The following EIF3I variants were observed in gnomAD, a reference collection of about 807,000 sequenced individuals.
EIF3I encodes the protein TGF-beta receptor-interacting protein 1.
A neutral mutation model predicts 43.3 loss-of-function variants in EIF3I; 20 were observed. The ratio of observed to expected loss-of-function variants is 0.46; its 90% CI spans 0.32 to 0.67. EIF3I has a LOEUF of 0.67. Ranked by LOEUF, EIF3I falls within the 30% of genes least tolerant of loss-of-function variation. EIF3I has a pLI of 0.03. For synonymous variants in EIF3I, 167 were observed against 151.7 expected (o/e 1.10, Z -0.74); for missense variants, 279 against 421.4 (o/e 0.66, Z 2.96).
chr1:32,232,118 GT>G (rs1639246578), downstream of EIF3I: 1 of 152,464 alleles, frequency 6.6e-6, no homozygotes, highest in African/African-American at 2.4e-5. Context: ...TGGAGTCTTT[GT>G]TGCTCTTTTG....
Position 32,226,396 on chromosome 1 carries a change from C to A in EIF3I, c.401-7C>A. The A allele has an allele frequency of 6.2e-7, 1 of 1,608,684 alleles. No individual in the cohort carries two copies. On this transcript the variant is annotated splice_region_variant and splice_polypyrimidine_tract_variant and intron_variant, in intron 5 of 11. Coordinates refer to ENST00000676679, the Ensembl canonical transcript of EIF3I. ...GCCCAGGGCCTAACATCTACTGCCC[C>A]ACACAGACAACAATGAGCCCTACAT...
downstream of EIF3I, chr1:32,231,481 A>C: frequency 3.8e-6 from 1 of 262,944 alleles, no homozygotes; most frequent in Non-Finnish European, 7.2e-6. Flanking sequence ...ACAAGAGCAA[A>C]ACTCCGTCTC....
At chr1:32,231,261 C>T in exon 12 of EIF3I, 1 of 1,459,750 alleles carries the variant, frequency 6.9e-7, no homozygotes, top group South Asian at 1.2e-5. Context: ...TTTTTTAAGG[C>T]AGGCGGATCA....
intron 4 of EIF3I, 27 bp from the exon 5 acceptor site, chr1:32,226,144 T>C (rs774859478): frequency 1.2e-6 from 2 of 1,612,198 alleles, no homozygotes; most frequent in Non-Finnish European, 8.5e-7. Flanking sequence ...CAATGGATGG[T>C]GTAGCCCAGA....
At chr1:32,230,524 C>G (rs1037670091) in intron 10 of EIF3I, among the ~76,000 whole-genome samples, 2 of 151,874 alleles carry the variant, frequency 1.3e-5, no homozygotes, top group Admixed American at 6.6e-5. Context: ...GCCTCGGCTT[C>G]TGCTTTATTT....
At chr1:32,228,736 T>C in exon 8 of EIF3I, 1 of 1,614,056 alleles carries the variant, frequency 6.2e-7, no homozygotes, top group Non-Finnish European at 8.5e-7. Context: ...GCTTTTTGAC[T>C]CCACAACTCT....
At chr1:32,233,795 T>G (rs571682901), downstream of EIF3I, among the ~76,000 whole-genome samples, 3 of 152,210 alleles carry the variant, frequency 2.0e-5, no homozygotes, top group African/African-American at 7.2e-5. Context: ...GCAGCAAATT[T>G]CCCCTTTAAT....
exon 2 of EIF3I, chr1:32,222,592 C>T (rs1427980505): frequency 6.2e-7 from 1 of 1,614,158 alleles, no homozygotes; most frequent in Non-Finnish European, 8.5e-7. Context: ...TAAGTATAAC[C>T]GCGAAGGAGA....
chr1:32,235,381 AGTG>A (rs1639287381), downstream of EIF3I, among the ~76,000 whole-genome samples: 1 of 148,818 alleles, frequency 6.7e-6, no homozygotes, highest in Non-Finnish European at 1.5e-5. Context: ...TCCAGGCTGG[AGTG>A]CAGTGGTGCG....
At chr1:32,234,372 C>T (rs765238807), downstream of EIF3I, 1 of 152,416 alleles carries the variant, frequency 6.6e-6, no homozygotes, top group Admixed American at 6.6e-5. Flanking sequence ...TGTGCCTGCC[C>T]CTAAGCTACC....
chr1:32,226,722 G>A (rs1421633094), intron 6 of EIF3I, among the ~76,000 whole-genome samples, 192 bp downstream of exon 6: 4 of 147,402 alleles, frequency 2.7e-5, no homozygotes, highest in African/African-American at 7.6e-5. Flanking sequence ...GCATGCCACC[G>A]CACCTGGCTA....
At position 32,228,768 on chromosome 1, in the gene EIF3I, G is replaced by C. The variant is rs760986789; in HGVS notation, c.681G>C (p.Arg227=). The C allele has an allele frequency of 1.4e-4, 222 of 1,613,996 alleles. 2 individuals are homozygous for C. In the South Asian group the frequency reaches 1.7e-3, roughly 12 times the overall value. ...CTCTTGAACATCAGAAGACTTTCCG[G>C]ACAGAACGTCCTGTCAACTCAGCTG... The change falls in exon 8 of 12, where the codon CGG becomes CGC. Residue 227 remains arginine, a synonymous_variant. Transcript: ENST00000676679.
chr1:32,232,030 T>C (rs968474407), downstream of EIF3I: 1 of 152,872 alleles, frequency 6.5e-6, no homozygotes, highest in Non-Finnish European at 1.5e-5. Flanking sequence ...GGGGAGAAGG[T>C]GTGGAGCTCA....
At chr1:32,227,092 G>C (rs1302942064) in intron 6 of EIF3I, among the ~76,000 whole-genome samples, 1 of 150,538 alleles carries the variant, frequency 6.6e-6, no homozygotes, top group Admixed American at 6.6e-5. Context: ...CACCTGCCTC[G>C]GGTCCTGGTG....
downstream of EIF3I, chr1:32,232,184 T>C (rs1157147029): frequency 6.6e-6 from 1 of 152,154 alleles, no homozygotes; most frequent in Non-Finnish European, 1.5e-5. Context: ...TCACACGGCA[T>C]CTGCAGAAAG....
At chr1:32,232,490 T>G (rs1424302172), downstream of EIF3I, among the ~76,000 whole-genome samples, 1 of 152,152 alleles carries the variant, frequency 6.6e-6, no homozygotes, top group African/African-American at 2.4e-5. Flanking sequence ...AGACCTAGCA[T>G]ACCCACTGTG....
At chr1:32,236,088 G>A (rs1194066663), downstream of EIF3I, among the ~76,000 whole-genome samples, 1 of 152,190 alleles carries the variant, frequency 6.6e-6, no homozygotes. Context: ...TTCACTTTCT[G>A]AGGTTTCAGT....
At chr1:32,234,972 C>T (rs1045963612), downstream of EIF3I, 5 of 152,802 alleles carry the variant, frequency 3.3e-5, no homozygotes, top group African/African-American at 1.2e-4. Context: ...CCTGGACTGC[C>T]AGGCAGGTGG....
downstream of EIF3I, among the ~76,000 whole-genome samples, chr1:32,232,713 G>A (rs1056853464): frequency 3.9e-5 from 6 of 152,174 alleles, no homozygotes; most frequent in African/African-American, 1.4e-4. Flanking sequence ...TGGCAAGGGA[G>A]GACCAAACTC....
Sources: allele counts gnomAD v4.1 joint callset (sites outside exome capture counted in the v4.1 genomes callset), GRCh38; gene constraint gnomAD v4.1.1; transcripts MANE v1.5; gene names NCBI Gene and HGNC (gene_info 2026-07-23, HGNC 2026-07-21).